GRIK2: variants seen among roughly 807,000 people sequenced by gnomAD.
GRIK2 encodes the protein glutamate ionotropic receptor kainate type subunit 2.
A neutral mutation model predicts 100.3 loss-of-function variants in GRIK2; 32 were observed. The ratio of observed to expected loss-of-function variants is 0.32; its 90% CI spans 0.24 to 0.43. The LOEUF is 0.43. GRIK2 is among the 20% of genes least tolerant of loss of function. GRIK2 has a pLI of 1.00. For missense variants in GRIK2, 843 were observed against 1,114.9 expected (o/e 0.76, Z 3.47); for synonymous variants, 417 against 389.4 (o/e 1.07, Z -0.83).
chr6:101,792,420 C>T (rs1227392094), intron 7 of GRIK2, among the ~76,000 whole-genome samples: 3 of 151,942 alleles, frequency 2.0e-5, no homozygotes, highest in African/African-American at 7.3e-5. Context: ...CAAAATCTCT[C>T]AGCATTTGCT....
intron 16 of GRIK2, among the ~76,000 whole-genome samples, chr6:102,056,516 A>G (rs1268846989): frequency 6.6e-6 from 1 of 151,994 alleles, no homozygotes; most frequent in Non-Finnish European, 1.5e-5. Context: ...GAAACTCACA[A>G]TATTTTAGAC....
intron 13 of GRIK2, among the ~76,000 whole-genome samples, chr6:101,926,674 G>A (rs562519277): frequency 3.9e-5 from 6 of 152,226 alleles, no homozygotes; most frequent in African/African-American, 1.4e-4. Context: ...CACTGCTGGT[G>A]GATACATGAA....
intron 2 of GRIK2, among the ~76,000 whole-genome samples, chr6:101,464,385 T>A (rs190420211): frequency 6.6e-6 from 1 of 152,248 alleles, no homozygotes; most frequent in Non-Finnish European, 1.5e-5. Flanking sequence ...AGGCATTTTT[T>A]ATAGTCCCTC....
At chr6:101,651,584 G>A (rs980364000) in intron 4 of GRIK2, among the ~76,000 whole-genome samples, 1 of 152,116 alleles carries the variant, frequency 6.6e-6, no homozygotes, top group Non-Finnish European at 1.5e-5. Context: ...TTAAGGGAGG[G>A]CTACAATTTT....
At chr6:101,858,411 G>A (rs1472333250) in intron 10 of GRIK2, among the ~76,000 whole-genome samples, 1 of 127,332 alleles carries the variant, frequency 7.9e-6, no homozygotes, top group Non-Finnish European at 1.6e-5. Context: ...TTTTTGAGAC[G>A]GAGTCTCACT....
At chr6:101,893,989 T>A (rs1787273662) in intron 12 of GRIK2, among the ~76,000 whole-genome samples, 1 of 151,620 alleles carries the variant, frequency 6.6e-6, no homozygotes, top group African/African-American at 2.4e-5. Context: ...ATATATATTT[T>A]GCTGGAGAGA....
chr6:101,984,656 C>CACACACACACACACACACA (rs1582667125), intron 14 of GRIK2, among the ~76,000 whole-genome samples: 4 of 127,342 alleles, frequency 3.1e-5, no homozygotes, highest in South Asian at 2.3e-4. Flanking sequence ...CACACACACA[C>CACACACACACACACACACA]CCTTCAACTT....
At chr6:101,740,794 C>A (rs748186354) in intron 7 of GRIK2, among the ~76,000 whole-genome samples, 5 of 152,214 alleles carry the variant, frequency 3.3e-5, no homozygotes, top group Non-Finnish European at 5.9e-5. Flanking sequence ...GGGGTGGTGC[C>A]AGGTTCTTTT....
intron 2 of GRIK2, among the ~76,000 whole-genome samples, chr6:101,506,912 G>C (rs1774052245): frequency 6.6e-6 from 1 of 152,048 alleles, no homozygotes. Flanking sequence ...TGAAAACTCT[G>C]TTTTTAGTAT....
At chr6:101,786,431 T>A (rs1394329748) in intron 7 of GRIK2, among the ~76,000 whole-genome samples, 1 of 152,042 alleles carries the variant, frequency 6.6e-6, no homozygotes, top group Non-Finnish European at 1.5e-5. Context: ...TATTTGTAGG[T>A]GTGTCATATA....
intron 10 of GRIK2, among the ~76,000 whole-genome samples, chr6:101,834,386 G>A (rs1027801343): frequency 1.3e-5 from 2 of 151,380 alleles, no homozygotes; most frequent in African/African-American, 4.9e-5. Context: ...CTGCTATTTG[G>A]GTTTTTTTGG....
At chr6:101,636,616 G>A (rs2518313) in intron 4 of GRIK2, among the ~76,000 whole-genome samples, 5 of 151,814 alleles carry the variant, frequency 3.3e-5, no homozygotes, top group South Asian at 2.1e-4. Context: ...ATGCCAACAC[G>A]GAAAGACAAA....
chr6:101,549,892 G>T (rs967169626), intron 2 of GRIK2, among the ~76,000 whole-genome samples: 1 of 152,090 alleles, frequency 6.6e-6, no homozygotes, highest in Non-Finnish European at 1.5e-5. Context: ...AGAAGATATG[G>T]AGTTGTCAAA....
At chr6:101,638,841 GCT>G (rs1774838264) in intron 4 of GRIK2, among the ~76,000 whole-genome samples, 1 of 151,870 alleles carries the variant, frequency 6.6e-6, no homozygotes, top group African/African-American at 2.4e-5. Context: ...AAATTAATTA[GCT>G]AGGTGTGGTG....
chr6:102,040,264 C>T (rs1180431348), intron 15 of GRIK2, among the ~76,000 whole-genome samples: 2 of 151,322 alleles, frequency 1.3e-5, no homozygotes, highest in Admixed American at 6.6e-5. Flanking sequence ...TACATTTTCT[C>T]TCATATTTAC....
chr6:101,628,164 A>G (rs1174792735), intron 4 of GRIK2, among the ~76,000 whole-genome samples: 2 of 152,134 alleles, frequency 1.3e-5, no homozygotes. Flanking sequence ...CATGCAGTAT[A>G]TAGAACTCTG....
intron 14 of GRIK2, among the ~76,000 whole-genome samples, chr6:102,014,958 T>C (rs1160834143): frequency 6.6e-6 from 1 of 152,148 alleles, no homozygotes; most frequent in East Asian, 1.9e-4. Flanking sequence ...ATCCATTTGG[T>C]CAACTGCTGA....
At position 101,397,044 on chromosome 6, in the gene GRIK2, T is replaced by G. The variant is rs148345422; in HGVS notation, c.-293-1941T>G. The stretch of plus-strand genomic sequence containing the variant: ...AATAGTTTAGAATACTAGTTTCAAG[T>G]GCAAAAGTTGCAACCATAATGTAAA... On this transcript the variant is annotated intron_variant, in intron 1 of 16. Coordinates refer to ENST00000369134, the MANE Select transcript of GRIK2 (RefSeq NM_021956.5). Among the ~76,000 whole-genome samples, 860 of 152,294 alleles carry G rather than the reference T, an allele frequency of 5.6e-3. 8 individuals are homozygous for G. Among genetic ancestry groups the G allele is most frequent in the South Asian group, 0.028 (133 of 4,828 alleles).
chr6:101,857,326 T>G (rs1315333846), intron 10 of GRIK2, among the ~76,000 whole-genome samples: 2 of 152,234 alleles, frequency 1.3e-5, no homozygotes, highest in Non-Finnish European at 2.9e-5. Flanking sequence ...TGCCAATCTC[T>G]GACCAGGACT....
Sources: gnomAD v4.1 joint callset for allele counts (sites outside exome capture counted in the v4.1 genomes callset) on GRCh38, gnomAD v4.1.1 for gene constraint, MANE v1.5 for transcripts, NCBI Gene and HGNC (gene_info 2026-07-23, HGNC 2026-07-21) for gene names.